The following SPECC1L variants were observed in gnomAD, a reference collection of about 807,000 sequenced individuals.
SPECC1L encodes sperm antigen with calponin homology and coiled-coil domains 1 like, also known as cytospin-A.
Under a neutral mutation model 116.8 loss-of-function variants are expected in SPECC1L, and 40 were observed. That is an observed-to-expected ratio of 0.34 (90% CI 0.27 to 0.45). The LOEUF is 0.45. SPECC1L is among the 20% of genes least tolerant of loss of function. The pLI, the probability that SPECC1L is intolerant of heterozygous loss-of-function variation, is 1.00. For missense variants in SPECC1L, 1,110 were observed against 1,373.6 expected (o/e 0.81, Z 3.03); for synonymous variants, 504 against 500.6 (o/e 1.01, Z -0.09).
Position 24,414,662 on chromosome 22 carries a change from C to G in SPECC1L, c.*39C>G. On this transcript the variant is annotated 3_prime_UTR_variant, in exon 17 of 17. Transcript: ENST00000314328. ...AGCCGCCCCAATAGCGGGGGTACCC[C>G]TCCACAGCGACCGAGCGACACCGAC... 2.3e-5 allele frequency: 37 copies of G among 1,585,012 alleles called. No individual in the cohort carries two copies. Among genetic ancestry groups the G allele is most frequent in the Non-Finnish European group, 3.0e-5 (35 of 1,154,842 alleles).
intron 14 of SPECC1L, among the ~76,000 whole-genome samples, chr22:24,408,049 C>T (rs925283107): frequency 1.3e-5 from 2 of 152,180 alleles, no homozygotes; most frequent in Admixed American, 6.5e-5. Flanking sequence ...ACCCTCCTTC[C>T]AGACTGCTGC....
At chr22:24,336,077 A>G (rs4822485) in intron 9 of SPECC1L, among the ~76,000 whole-genome samples, 25,603 of 151,930 alleles carry the variant, frequency 0.17, 2,662 homozygotes, top group Admixed American at 0.23. Flanking sequence ...TACTAAAAGA[A>G]TTAAGACAGT....
chr22:24,381,650 C>T (rs1031260049), intron 14 of SPECC1L, among the ~76,000 whole-genome samples: 2 of 151,762 alleles, frequency 1.3e-5, no homozygotes, highest in Admixed American at 1.3e-4. Context: ...TTTGGGAGGC[C>T]GAGGGAGGCG....
chr22:24,322,992 G>T, intron 5 of SPECC1L, 74 bp downstream of exon 5: 1 of 1,575,226 alleles, frequency 6.3e-7, no homozygotes. Context: ...CTGAGAACCT[G>T]GGTTACTGGT....
chr22:24,319,518 C>T (rs1031927823), intron 4 of SPECC1L, among the ~76,000 whole-genome samples: 1 of 152,200 alleles, frequency 6.6e-6, no homozygotes, highest in East Asian at 1.9e-4. Flanking sequence ...TATCAGTATC[C>T]TCTAGATTAA....
chr22:24,386,116 C>T (rs1226467930), intron 14 of SPECC1L, among the ~76,000 whole-genome samples: 1 of 135,394 alleles, frequency 7.4e-6, no homozygotes, highest in Admixed American at 7.4e-5. Context: ...TTATTAGTTT[C>T]AAAAAAAAAA....
chr22:24,329,114 T>C (rs930969912), intron 7 of SPECC1L, among the ~76,000 whole-genome samples, 195 bp downstream of exon 7: 3 of 152,230 alleles, frequency 2.0e-5, no homozygotes, highest in African/African-American at 7.2e-5. Flanking sequence ...AAGAATGTAC[T>C]ATAGGTTGAG....
chr22:24,412,641 T>C lies in SPECC1L; in HGVS notation c.3205-7T>C, dbSNP rs756905452. The C allele has an allele frequency of 6.2e-6, 10 of 1,613,988 alleles. No individual in the cohort carries two copies. In the Admixed American group the frequency reaches 1.0e-4, roughly 16 times the overall value. Reference sequence around the variant, plus strand: ...CATGCACTGCAGTGACACAGTTTCTTTTACAGAGAAGGAACTTCATGCTGG... The same window carrying C: ...CATGCACTGCAGTGACACAGTTTCTCTTACAGAGAAGGAACTTCATGCTGG... On this transcript the variant is annotated splice_polypyrimidine_tract_variant and splice_region_variant and intron_variant, in intron 15 of 16. Coordinates refer to ENST00000314328, the MANE Select transcript of SPECC1L (RefSeq NM_015330.6).
At chr22:24,343,624 C>G (rs979697062) in intron 10 of SPECC1L, 1 of 276,854 alleles carries the variant, frequency 3.6e-6, no homozygotes, top group African/African-American at 2.3e-5. Context: ...TGGTGCCTGG[C>G]TAATTTTTGT....
At chr22:24,323,244 C>G (rs1209338009) in intron 5 of SPECC1L, 1 of 297,194 alleles carries the variant, frequency 3.4e-6, no homozygotes, top group African/African-American at 2.3e-5. Context: ...CTCCCCCCGC[C>G]TCATCTCGAA....
Position 24,303,005 on chromosome 22 carries a change from A to AT in SPECC1L, c.153+630dup, listed in dbSNP as rs576664461. 7.3e-4 allele frequency among the ~76,000 whole-genome samples: 110 copies of AT among 150,876 alleles called. 3 individuals are homozygous for AT. The South Asian group carries it at 0.013, about 18-fold the overall frequency. The stretch of plus-strand genomic sequence containing the variant: ...TATTATTCTTATTATTACTATTACC[A>AT]TTTTTTTTTAAATAGATGAGATCTA... On this transcript the variant is annotated intron_variant, in intron 3 of 16. Transcript: ENST00000314328.
chr22:24,313,742 C>CTTTTT (rs1350275306), intron 4 of SPECC1L, among the ~76,000 whole-genome samples: 4 of 129,962 alleles, frequency 3.1e-5, no homozygotes, highest in African/African-American at 8.6e-5. Context: ...GAGAAGGATT[C>CTTTTT]TTTTTTTTTT....
rs201856098 is a variant in SPECC1L, at chr22:24,414,671, G to A, written c.*48G>A. On this transcript the variant is annotated 3_prime_UTR_variant, in exon 17 of 17. Transcript: ENST00000314328. ...AATAGCGGGGGTACCCCTCCACAGC[G>A]ACCGAGCGACACCGACGCCATTAGC... is the stretch of plus-strand genomic sequence containing the variant. The A allele has an allele frequency of 1.7e-5, 26 of 1,541,318 alleles. No homozygotes were observed. Among genetic ancestry groups the A allele is most frequent in the South Asian group, 2.2e-5 (2 of 89,218 alleles).
At chr22:24,365,236 G>C (rs1415106515) in intron 12 of SPECC1L, among the ~76,000 whole-genome samples, 1 of 152,164 alleles carries the variant, frequency 6.6e-6, no homozygotes, top group African/African-American at 2.4e-5. Context: ...TGGAACTCCT[G>C]ACCTCAAGTG....
chr22:24,290,316 C>T (rs926539984), intron 2 of SPECC1L, among the ~76,000 whole-genome samples: 3 of 152,286 alleles, frequency 2.0e-5, no homozygotes, highest in Non-Finnish European at 4.4e-5. Flanking sequence ...CAGTTTCTTT[C>T]GTCCTGGAGT....
At chr22:24,342,339 A>G (rs147858771) in intron 10 of SPECC1L, among the ~76,000 whole-genome samples, 168 of 152,176 alleles carry the variant, frequency 1.1e-3, no homozygotes, top group Middle Eastern at 6.8e-3. Flanking sequence ...TGTGAAGGGA[A>G]GCATGCACAG....
At chr22:24,274,913 T>C (rs1009488512) in intron 1 of SPECC1L, among the ~76,000 whole-genome samples, 1 of 152,244 alleles carries the variant, frequency 6.6e-6, no homozygotes, top group Non-Finnish European at 1.5e-5. Context: ...CTCTGCAGTC[T>C]CCTTGTCTCC....
chr22:24,300,919 G>T (rs957426212), intron 2 of SPECC1L, among the ~76,000 whole-genome samples: 12 of 152,134 alleles, frequency 7.9e-5, no homozygotes, highest in African/African-American at 2.9e-4. Flanking sequence ...GCTGTATGCA[G>T]AAAACTGAAA....
intron 12 of SPECC1L, among the ~76,000 whole-genome samples, chr22:24,364,657 C>T (rs1040106678): frequency 8.2e-6 from 1 of 122,524 alleles, no homozygotes; most frequent in African/African-American, 2.9e-5. Context: ...ATGAGACTCC[C>T]TCTCAAAAAA....
Sources: allele counts gnomAD v4.1 joint callset (sites outside exome capture counted in the v4.1 genomes callset), GRCh38; gene constraint gnomAD v4.1.1; transcripts MANE v1.5; gene names NCBI Gene and HGNC (gene_info 2026-07-23, HGNC 2026-07-21).